Variants in MRPL1 observed in about 807,000 individuals in gnomAD.
The protein encoded by MRPL1 is large ribosomal subunit protein uL1m.
Under a neutral mutation model 38.0 loss-of-function variants are expected in MRPL1, and 28 were observed. That is an observed-to-expected ratio of 0.74 (90% CI 0.55 to 1.01). The LOEUF is 1.01. MRPL1 is among the 50% of genes least tolerant of loss of function. The pLI is 0.00. For synonymous variants in MRPL1, 123 were observed against 126.7 expected (o/e 0.97, Z 0.20); for missense variants, 358 against 389.8 (o/e 0.92, Z 0.69).
chr4:77,936,540 T>C (rs925625559), intron 7 of MRPL1, among the ~76,000 whole-genome samples: 3 of 152,184 alleles, frequency 2.0e-5, no homozygotes, highest in Non-Finnish European at 4.4e-5. Context: ...CAAATCCAGC[T>C]CTCCACCTGT....
chr4:77,879,782 G>T (rs1238743504), intron 2 of MRPL1, among the ~76,000 whole-genome samples: 1 of 152,192 alleles, frequency 6.6e-6, no homozygotes, highest in Non-Finnish European at 1.5e-5. Flanking sequence ...TTCCACGGTA[G>T]CTGTTGAGAT....
At chr4:77,903,674 G>T (rs1245365423) in intron 6 of MRPL1, among the ~76,000 whole-genome samples, 1 of 152,110 alleles carries the variant, frequency 6.6e-6, no homozygotes, top group Non-Finnish European at 1.5e-5. Flanking sequence ...TTCTAAAACA[G>T]TTCCATTTAT....
At chr4:77,936,496 T>G (rs1243792218) in intron 7 of MRPL1, among the ~76,000 whole-genome samples, 2 of 152,196 alleles carry the variant, frequency 1.3e-5, no homozygotes, top group East Asian at 3.8e-4. Context: ...TCAGACATCC[T>G]TCAGTCTGTC....
intron 7 of MRPL1, among the ~76,000 whole-genome samples, chr4:77,931,765 C>T (rs752425374): frequency 6.6e-6 from 1 of 152,162 alleles, no homozygotes; most frequent in Non-Finnish European, 1.5e-5. Flanking sequence ...TAAAAGAGGT[C>T]ACTTCTGAAT....
At chr4:77,902,098 C>T (rs1162223673) in intron 6 of MRPL1, among the ~76,000 whole-genome samples, 1 of 152,144 alleles carries the variant, frequency 6.6e-6, no homozygotes, top group Non-Finnish European at 1.5e-5. Context: ...TAGTAAATAA[C>T]TCATTGATCA....
chr4:77,943,496 G>A (rs1222657600), intron 7 of MRPL1, among the ~76,000 whole-genome samples: 1 of 151,798 alleles, frequency 6.6e-6, no homozygotes, highest in Non-Finnish European at 1.5e-5. Flanking sequence ...TTCTTCCTCA[G>A]GAACACCAAT....
chr4:77,942,167 C>T (rs71609379), intron 7 of MRPL1, among the ~76,000 whole-genome samples: 3,426 of 151,404 alleles, frequency 0.023, 47 homozygotes, highest in Non-Finnish European at 0.035. Context: ...TTAATTTCTA[C>T]GGTTTTGAGG....
rs1735597064 is a variant in MRPL1, at chr4:77,883,451, A to G, written c.353A>G (p.Lys118Arg). 6.2e-7 allele frequency: 1 copy of G among 1,613,860 alleles called. No individual in the cohort carries two copies. Among genetic ancestry groups the G allele is most frequent in the Non-Finnish European group, 8.5e-7 (1 of 1,179,944 alleles). ...CAAATTCTTGACTTTACTAGTCCAAAGCAAAGTGTTTATCTTGATTTGACA... is the reference window on the plus strand; with the variant it reads ...CAAATTCTTGACTTTACTAGTCCAAGGCAAAGTGTTTATCTTGATTTGACA... ...KFQILDFTSP[K>R]QSVYLDLTLD... The change falls in exon 3 of 9, where the codon AAG becomes AGG. Residue 118 changes from lysine to arginine, a missense_variant. Physicochemically the swap from Lys to Arg is conservative, Grantham distance 26 (BLOSUM62 2). Transcript: ENST00000315567.
chr4:77,913,537 C>T lies in MRPL1; in HGVS notation c.777+4165C>T, dbSNP rs115239312. ...CGGTGGGACTTGAGCACTCTTACAG[C>T]GTTTGTGGGTATGTTAAATGATGCA... On this transcript the variant is annotated intron_variant, in intron 7 of 8. Coordinates refer to ENST00000315567, the MANE Select transcript of MRPL1 (RefSeq NM_020236.4). 3.5e-3 allele frequency among the ~76,000 whole-genome samples: 533 copies of T among 152,290 alleles called. 5 individuals are homozygous for T. Among genetic ancestry groups the T allele is most frequent in the African/African-American group, 0.011 (464 of 41,562 alleles).
rs185918504 is a variant in MRPL1, at chr4:77,878,015, C to T, written c.144-5227C>T. Among the ~76,000 whole-genome samples, 30 of 152,150 alleles carry T rather than the reference C, an allele frequency of 2.0e-4. No homozygotes were observed. In the East Asian group the frequency reaches 2.9e-3, roughly 15 times the overall value. ...GCCTGTGAATTGAGTGTGAACTCCC[C>T]GTATGCCTGGGTCTCCCAAGAGGTT... On this transcript the variant is annotated intron_variant, in intron 2 of 8. Transcript: ENST00000315567.
In MRPL1 at chr4:77,876,219, C is replaced by T. The variant is rs184857978; in HGVS notation, c.143+4364C>T. On this transcript the variant is annotated intron_variant, in intron 2 of 8. Transcript: ENST00000315567. ...GACTGCTGACCTCAAGTGATCTGCCCGCCTCAGCCTCCCAGAGTGCTGGGA... is the reference window on the plus strand; with the variant it reads ...GACTGCTGACCTCAAGTGATCTGCCTGCCTCAGCCTCCCAGAGTGCTGGGA... Among the ~76,000 whole-genome samples, 33 of 152,184 alleles carry T rather than the reference C, an allele frequency of 2.2e-4. 1 individual carries two copies. Among genetic ancestry groups the T allele is most frequent in the African/African-American group, 5.3e-4 (22 of 41,512 alleles).
chr4:77,952,378 G>A (rs1737430774), intron 8 of MRPL1, 111 bp from the exon 9 acceptor site: 1 of 765,980 alleles, frequency 1.3e-6, no homozygotes, highest in African/African-American at 1.8e-5. Flanking sequence ...TTTGCTTAAA[G>A]TTGCAGTTTC....
intron 7 of MRPL1, among the ~76,000 whole-genome samples, chr4:77,928,184 C>T (rs994944870): frequency 6.6e-6 from 1 of 152,088 alleles, no homozygotes; most frequent in Non-Finnish European, 1.5e-5. Flanking sequence ...AAGTTCAGGA[C>T]AAGGGACTAT....
chr4:77,872,369 G>A (rs1735301622), intron 2 of MRPL1, among the ~76,000 whole-genome samples: 1 of 151,826 alleles, frequency 6.6e-6, no homozygotes, highest in South Asian at 2.1e-4. Context: ...TCATGTATTA[G>A]AGGATTATCC....
chr4:77,881,898 T>C (rs1341189263), intron 2 of MRPL1, among the ~76,000 whole-genome samples: 1 of 152,176 alleles, frequency 6.6e-6, no homozygotes, highest in African/African-American at 2.4e-5. Context: ...TCTCTTATAT[T>C]GCAGCCAGAA....
intron 7 of MRPL1, among the ~76,000 whole-genome samples, chr4:77,945,635 G>T (rs773928813): frequency 6.6e-6 from 1 of 151,946 alleles, no homozygotes; most frequent in Non-Finnish European, 1.5e-5. Context: ...GTGTCGGCCG[G>T]CTGAGAAATA....
At chr4:77,885,204 G>A in intron 3 of MRPL1, 52 bp from the exon 4 acceptor site, 1 of 1,338,476 alleles carries the variant, frequency 7.5e-7, no homozygotes, top group South Asian at 1.2e-5. Flanking sequence ...TAGAGTGTGT[G>A]AAATAGAAAA....
At chr4:77,937,733 G>C (rs1453496159) in intron 7 of MRPL1, among the ~76,000 whole-genome samples, 3 of 152,068 alleles carry the variant, frequency 2.0e-5, no homozygotes, top group Non-Finnish European at 4.4e-5. Context: ...AGAATATAGG[G>C]TACTGAATGC....
At chr4:77,895,613 G>A (rs1362533995) in intron 6 of MRPL1, among the ~76,000 whole-genome samples, 15 of 152,032 alleles carry the variant, frequency 9.9e-5, no homozygotes, top group Admixed American at 9.8e-4. Context: ...TTTAACTCTA[G>A]TTGAGCTAAA....
Sources: gnomAD v4.1 joint callset for allele counts (sites outside exome capture counted in the v4.1 genomes callset) on GRCh38, gnomAD v4.1.1 for gene constraint, MANE v1.5 for transcripts, NCBI Gene and HGNC (gene_info 2026-07-23, HGNC 2026-07-21) for gene names.